PLPP3: variants seen among roughly 807,000 people sequenced by gnomAD.
PLPP3 encodes PAP2 beta.
PLPP3 carries 6 observed loss-of-function variants against 29.6 expected under a neutral mutation model. The ratio of observed to expected loss-of-function variants is 0.20; its 90% CI spans 0.11 to 0.40. The LOEUF (loss-of-function observed/expected upper bound fraction) is 0.40. Among genes scored for constraint, PLPP3 ranks in the 10% least tolerant of loss-of-function variants. PLPP3 has a pLI of 1.00. For synonymous variants in PLPP3, 152 were observed against 159.7 expected (o/e 0.95, Z 0.36); for missense variants, 308 against 407.7 (o/e 0.76, Z 2.11).
chr1:56,520,290 C>T (rs1016307791), intron 4 of PLPP3, among the ~76,000 whole-genome samples: 1 of 152,254 alleles, frequency 6.6e-6, no homozygotes, highest in East Asian at 1.9e-4. Context: ...TTTGATTCCA[C>T]ATCTGCTTGA....
At position 56,566,178 on chromosome 1, in the gene PLPP3, G is replaced by A. The variant is rs145367769; in HGVS notation, c.139+12700C>T. On this transcript the variant is annotated intron_variant, in intron 1 of 5. Transcript: ENST00000371250. ...TGATTGACCTAACAGACCTTCACAG[G>A]TCCAGAGAACCACTAGTCCAACTCA... Among the ~76,000 whole-genome samples the A allele has an allele frequency of 3.0e-4, 45 of 152,308 alleles. No homozygotes were observed. The East Asian group carries it at 8.3e-3, about 28-fold the overall frequency.
At chr1:56,514,723 T>C (rs904219901) in intron 4 of PLPP3, among the ~76,000 whole-genome samples, 2 of 152,116 alleles carry the variant, frequency 1.3e-5, no homozygotes, top group Non-Finnish European at 2.9e-5. Context: ...TGAATCACAA[T>C]TGGAAAATAT....
chr1:56,568,313 A>G (rs1569609314), intron 1 of PLPP3, among the ~76,000 whole-genome samples: 1 of 152,256 alleles, frequency 6.6e-6, no homozygotes, highest in Non-Finnish European at 1.5e-5. Flanking sequence ...AATGAATTGC[A>G]TAGTATGTGA....
chr1:56,568,730 A>G (rs1646178241), intron 1 of PLPP3, among the ~76,000 whole-genome samples: 1 of 152,060 alleles, frequency 6.6e-6, no homozygotes, highest in African/African-American at 2.4e-5. Context: ...GGTTCAAGCA[A>G]TTCTCTGCCT....
Position 56,579,005 on chromosome 1 carries a change from GTAGTT to G in PLPP3, c.7_11del (p.Asn3GlnfsTer66). On this transcript the variant is annotated frameshift_variant, in exon 1 of 6. Coordinates refer to ENST00000371250, the MANE Select transcript of PLPP3 (RefSeq NM_003713.5). LOFTEE classifies it high-confidence loss of function. ...CCGGGACGATCGCTTTGTCGTACTTGTAGTTTTGCATGGCGCTGGCTGCGGCGCGA... is the reference window on the plus strand; with the variant it reads ...CCGGGACGATCGCTTTGTCGTACTTGTTGCATGGCGCTGGCTGCGGCGCGA... 1 of 1,599,878 alleles carries G rather than the reference GTAGTT, an allele frequency of 6.3e-7. No homozygotes were observed. The highest frequency in any genetic ancestry group is 8.5e-7 in the Non-Finnish European group (1 of 1,174,570).
rs190697820 is a variant in PLPP3 at position 56,569,217 on chromosome 1, C to T, written c.139+9661G>A. On this transcript the variant is annotated intron_variant, in intron 1 of 5. Transcript: ENST00000371250. ...TGAGATGTAGTCTCACACTGTCACCCGGGCTGGAGTGCAATGGCTCTCTCA... is the reference window on the plus strand; with the variant it reads ...TGAGATGTAGTCTCACACTGTCACCTGGGCTGGAGTGCAATGGCTCTCTCA... Among the ~76,000 whole-genome samples, 170 of 152,098 alleles carry T rather than the reference C, an allele frequency of 1.1e-3. No homozygotes were observed. In the Middle Eastern group the frequency reaches 0.017, roughly 15 times the overall value.
rs1353146761 is a variant in PLPP3, at chr1:56,579,537, TG to T, written c.-522del. ...TTGGTGCTGCTGCCGCGGCGGCTGC[TG>T]CTGTGATCGCCTGGGTTTGTTTTCT... On this transcript the variant is annotated 5_prime_UTR_variant, in exon 1 of 6. Transcript: ENST00000371250. 5.8e-6 allele frequency: 1 copy of T among 171,872 alleles called. No homozygotes were observed. The highest frequency in any genetic ancestry group is 1.9e-4 in the East Asian group (1 of 5,372). The allele number at this position is 171,872 out of a possible 1,614,324, so 10.6% of individuals were successfully genotyped here. A position where few individuals can be genotyped will look rare whatever the true frequency, so the allele number is the denominator to read the frequency against.
chr1:56,547,676 CA>C (rs1203076305), intron 1 of PLPP3, among the ~76,000 whole-genome samples: 5 of 152,184 alleles, frequency 3.3e-5, no homozygotes. Flanking sequence ...CTCAGTGATT[CA>C]GCTGCCATGC....
At chr1:56,526,234 G>A (rs1012222720) in intron 2 of PLPP3, among the ~76,000 whole-genome samples, 2 of 152,148 alleles carry the variant, frequency 1.3e-5, no homozygotes, top group Admixed American at 6.5e-5. Flanking sequence ...GGAGCAGGAC[G>A]GTAGTCCTCA....
chr1:56,517,317 T>A (rs1276235883), intron 4 of PLPP3, among the ~76,000 whole-genome samples: 1 of 152,238 alleles, frequency 6.6e-6, no homozygotes, highest in East Asian at 1.9e-4. Context: ...TGCAAACATA[T>A]TGTAGAATCT....
intron 1 of PLPP3, among the ~76,000 whole-genome samples, chr1:56,537,533 G>A (rs991056876): frequency 6.6e-6 from 1 of 152,136 alleles, no homozygotes; most frequent in Non-Finnish European, 1.5e-5. Flanking sequence ...AGTTCACTAA[G>A]GCTGTGCTGC....
chr1:56,570,267 A>G (rs1456631290), intron 1 of PLPP3, among the ~76,000 whole-genome samples: 2 of 152,342 alleles, frequency 1.3e-5, no homozygotes, highest in East Asian at 3.9e-4. Flanking sequence ...CTTCGTGTCA[A>G]TGTAATAGTG....
Position 56,496,529 on chromosome 1 carries a change from C to G in PLPP3, c.*22G>C, listed in dbSNP as rs367977475. 1.1e-5 allele frequency: 18 copies of G among 1,611,964 alleles called. No individual in the cohort carries two copies. Among genetic ancestry groups the G allele is most frequent in the Middle Eastern group, 1.6e-4 (1 of 6,068 alleles). ...GCTGTCAGCAGTCATTTTACAAAAA[C>G]AGCTCAGGAGGTGGGTGGCACCTAC... On this transcript the variant is annotated 3_prime_UTR_variant, in exon 6 of 6. Coordinates refer to ENST00000371250, the MANE Select transcript of PLPP3 (RefSeq NM_003713.5).
intron 5 of PLPP3, among the ~76,000 whole-genome samples, chr1:56,506,335 G>A (rs769352297): frequency 2.6e-5 from 4 of 152,128 alleles, no homozygotes; most frequent in East Asian, 3.9e-4. Flanking sequence ...GGTTGTCATC[G>A]CTGAACTCTT....
intron 1 of PLPP3, among the ~76,000 whole-genome samples, chr1:56,578,288 G>A (rs1041941089): frequency 5.9e-5 from 9 of 152,208 alleles, no homozygotes; most frequent in African/African-American, 1.9e-4. Flanking sequence ...GCACACAGTA[G>A]GCACTCAAGT....
chr1:56,557,036 G>GAAAGAAAGAA lies in PLPP3; in HGVS notation c.140-19925_140-19924insTTCTTTCTTT, dbSNP rs55777447. On this transcript the variant is annotated intron_variant, in intron 1 of 5. Coordinates refer to ENST00000371250, the MANE Select transcript of PLPP3 (RefSeq NM_003713.5). Reference sequence around the variant, plus strand: ...AGAGAGAGAGAGAGAAAGAGAGAGAGAGAGAGAGAGAGAGAGAGAGAGAAA... The same window carrying GAAAGAAAGAA: ...AGAGAGAGAGAGAGAAAGAGAGAGAGAAAGAAAGAAAGAGAGAGAGAGAGAGAGAGAGAAA... 1.7e-3 allele frequency among the ~76,000 whole-genome samples: 16 copies of GAAAGAAAGAA among 9,598 alleles called. 4 individuals are homozygous for GAAAGAAAGAA. The highest frequency in any genetic ancestry group is 2.9e-3 in the African/African-American group (16 of 5,430). 6.3% of individuals were successfully genotyped at this position (9,598 alleles called of 152,430 possible). A position where few individuals can be genotyped will look rare whatever the true frequency, so the allele number is the denominator to read the frequency against.
At chr1:56,567,300 G>T (rs1199061062) in intron 1 of PLPP3, among the ~76,000 whole-genome samples, 1 of 151,772 alleles carries the variant, frequency 6.6e-6, no homozygotes, top group Non-Finnish European at 1.5e-5. Flanking sequence ...ACAAAGTGAC[G>T]CTTTAGTGGT....
rs1301514440 is a variant in PLPP3 at position 56,543,284 on chromosome 1, T to C, written c.140-6172A>G. Among the ~76,000 whole-genome samples the C allele has an allele frequency of 3.9e-5, 6 of 152,294 alleles. No individual in the cohort carries two copies. The South Asian group carries it at 1.2e-3, about 32-fold the overall frequency. On this transcript the variant is annotated intron_variant, in intron 1 of 5. Coordinates refer to ENST00000371250, the MANE Select transcript of PLPP3 (RefSeq NM_003713.5). ...CACGATAGCTATGAAACGTTGTGGG[T>C]TATTATTTTCATGTATACCCAACAG...
intron 1 of PLPP3, among the ~76,000 whole-genome samples, chr1:56,569,158 G>C (rs1351755582): frequency 6.6e-6 from 1 of 151,902 alleles, no homozygotes; most frequent in South Asian, 2.1e-4. Context: ...CTTACATACT[G>C]TAACTAGCCT....
Sources: allele counts gnomAD v4.1 joint callset (sites outside exome capture counted in the v4.1 genomes callset), GRCh38; gene constraint gnomAD v4.1.1; transcripts MANE v1.5; gene names NCBI Gene and HGNC (gene_info 2026-07-23, HGNC 2026-07-21).